Variants in BEND2 observed in about 807,000 individuals in gnomAD.
The protein encoded by BEND2 is BEN domain-containing protein 2.
A neutral mutation model predicts 43.8 loss-of-function variants in BEND2; 19 were observed. That is an observed-to-expected ratio of 0.43 (90% confidence interval 0.30 to 0.64). The LOEUF is 0.64. Ranked by LOEUF, BEND2 falls within the 30% of genes least tolerant of loss-of-function variation. The pLI is 0.11. For missense variants in BEND2, 544 were observed against 574.0 expected (o/e 0.95, Z 0.53); for synonymous variants, 226 against 210.1 (o/e 1.08, Z -0.66).
At chrX:18,195,796 G>GA (rs1394642928) in intron 6 of BEND2, among the ~76,000 whole-genome samples, 1 of 108,891 alleles carries the variant, frequency 9.2e-6, no homozygotes, top group Non-Finnish European at 1.9e-5. Context: ...AGGGTCACCT[G>GA]AGCCCGGGAA....
intron 8 of BEND2, among the ~76,000 whole-genome samples, chrX:18,182,068 T>A (rs1026578346): frequency 1.1e-4 from 12 of 111,792 alleles, no homozygotes; most frequent in African/African-American, 3.9e-4. Flanking sequence ...CATAAGTAGA[T>A]TAAAAGTAAA....
intron 4 of BEND2, among the ~76,000 whole-genome samples, chrX:18,204,978 T>C (rs2147426841): frequency 8.9e-6 from 1 of 111,801 alleles, no homozygotes; most frequent in South Asian, 3.8e-4. Context: ...AGAAAGAACA[T>C]TGAGCCAAAT....
chrX:18,208,768 C>T (rs1925419128), intron 4 of BEND2, among the ~76,000 whole-genome samples: 1 of 110,885 alleles, frequency 9.0e-6, no homozygotes, highest in Non-Finnish European at 1.9e-5. Context: ...TAATATATAG[C>T]GAGACTGAAA....
At chrX:18,172,672 T>G (rs770525461) in intron 12 of BEND2, among the ~76,000 whole-genome samples, 5 of 109,684 alleles carry the variant, frequency 4.6e-5, no homozygotes, top group Non-Finnish European at 9.5e-5. Context: ...CCAGCCTGGG[T>G]AACAGAGCGA....
At position 18,212,584 on chromosome X, in the gene BEND2, C is replaced by T. The variant is rs866322579; in HGVS notation, c.473G>A (p.Gly158Glu). The T allele has an allele frequency of 8.4e-7, 1 of 1,192,201 alleles. No homozygotes were observed. Among genetic ancestry groups the T allele is most frequent in the East Asian group, 3.0e-5 (1 of 33,703 alleles). Reference protein sequence around the residue: ...NSEEVDFPKRGRFYTPEVQSS... With the variant: ...NSEEVDFPKRERFYTPEVQSS... ...ATCTACCTCTGGAGTATAGAATCTTCCTCTTTTTGGAAAATCCACTTCCTC... is the reference window on the plus strand; with the variant it reads ...ATCTACCTCTGGAGTATAGAATCTTTCTCTTTTTGGAAAATCCACTTCCTC... The change falls in exon 4 of 14, where the codon GGA (glycine) becomes GAA (glutamate). Residue 158 changes from glycine to glutamate, a missense_variant. Transcript: ENST00000380033.
intron 6 of BEND2, among the ~76,000 whole-genome samples, chrX:18,197,942 G>A (rs750421303): frequency 1.8e-5 from 2 of 111,621 alleles, no homozygotes; most frequent in South Asian, 7.6e-4. Context: ...ACAAAAACAA[G>A]AAATGGGGAA....
chrX:18,191,998 A>C (rs1017849423), intron 7 of BEND2, among the ~76,000 whole-genome samples: 7 of 112,191 alleles, frequency 6.2e-5, no homozygotes, highest in Admixed American at 9.6e-5. Context: ...TAATTGGAAA[A>C]AGCTACCAAT....
rs760016557 is a variant in BEND2 at position 18,220,214 on chromosome X, A to G, written c.25+512T>C. On this transcript the variant is annotated intron_variant, in intron 1 of 13. Coordinates refer to ENST00000380033, the MANE Select transcript of BEND2 (RefSeq NM_153346.5). ...CAGCCGCTATGCCAAAACGCTGAAC[A>G]GGGCTGTGTTCCGCGGCTGCCCACC... 1.6e-4 allele frequency among the ~76,000 whole-genome samples: 18 copies of G among 112,452 alleles called. No homozygotes were observed. The East Asian group carries it at 4.0e-3, about 25-fold the overall frequency.
chrX:18,201,942 T>C lies in BEND2; in HGVS notation c.908-2A>G. On this transcript the variant is annotated splice_acceptor_variant, in intron 5 of 13. Coordinates refer to ENST00000380033, the MANE Select transcript of BEND2 (RefSeq NM_153346.5). LOFTEE classifies it high-confidence loss of function. ...TGTTTGCTGGTCTTTCTGGCATTTC[T>C]GTAAATAAAAAGTTTTCAAGAGCTG... is the stretch of plus-strand genomic sequence containing the variant. The C allele has an allele frequency of 2.5e-6, 3 of 1,207,304 alleles. No individual in the cohort carries two copies. The highest frequency in any genetic ancestry group is 3.4e-6 in the Non-Finnish European group (3 of 893,822).
Position 18,220,873 on chromosome X carries a change from G to T in BEND2, c.-123C>A. On this transcript the variant is annotated 5_prime_UTR_variant, in exon 1 of 14. Transcript: ENST00000380033. ...TGTGTGGTAACTGCGTACACTCGTT[G>T]TCCGAGGCACAATGAGGCCCGGGCA... is the stretch of plus-strand genomic sequence containing the variant. The T allele has an allele frequency of 1.2e-6, 1 of 821,927 alleles. No individual in the cohort carries two copies. Among genetic ancestry groups the T allele is most frequent in the Non-Finnish European group, 1.7e-6 (1 of 584,866 alleles). The allele number at this position is 821,927 out of a possible 1,213,427, so 67.7% of individuals were successfully genotyped here.
intron 13 of BEND2, among the ~76,000 whole-genome samples, chrX:18,166,641 G>A (rs765180701): frequency 9.0e-6 from 1 of 111,362 alleles, no homozygotes; most frequent in East Asian, 2.8e-4. Context: ...CAGTCGGCCA[G>A]GCGCAGTGGC....
chrX:18,180,575 G>C lies in BEND2; in HGVS notation c.1364C>G (p.Thr455Ser). ...CTGGCCACTGTCACTGTCCAATAAA[G>C]TTGAGCGATTCATTGTGTTGACGCT... is the stretch of plus-strand genomic sequence containing the variant. ...ENSVNTMNRS[T>S]LLDSDSGQDS... The change falls in exon 9 of 14, where the codon ACT becomes AGT. Residue 455 changes from threonine to serine, a missense_variant. By Grantham distance (58) the Thr-to-Ser change is moderately conservative. Coordinates refer to ENST00000380033, the MANE Select transcript of BEND2 (RefSeq NM_153346.5). The C allele has an allele frequency of 2.5e-6, 3 of 1,210,205 alleles. No individual in the cohort carries two copies. Among genetic ancestry groups the C allele is most frequent in the Non-Finnish European group, 3.4e-6 (3 of 894,169 alleles).
intron 8 of BEND2, among the ~76,000 whole-genome samples, chrX:18,189,849 C>A (rs1184056867): frequency 9.1e-6 from 1 of 110,377 alleles, no homozygotes; most frequent in African/African-American, 3.3e-5. Flanking sequence ...GAGATCGAGA[C>A]CATCCTGGCT....
At chrX:18,170,742 T>A (rs951374094) in intron 13 of BEND2, among the ~76,000 whole-genome samples, 2 of 112,121 alleles carry the variant, frequency 1.8e-5, no homozygotes, top group African/African-American at 6.5e-5. Context: ...TGGCAGTCCA[T>A]AGCAGGGAGC....
intron 7 of BEND2, among the ~76,000 whole-genome samples, chrX:18,192,282 T>A (rs1199241211): frequency 8.9e-6 from 1 of 111,917 alleles, no homozygotes; most frequent in Non-Finnish European, 1.9e-5. Flanking sequence ...AAAAGTATCC[T>A]TCAAATATAG....
At chrX:18,174,670 G>A (rs1048011428) in intron 11 of BEND2, among the ~76,000 whole-genome samples, 3 of 112,059 alleles carry the variant, frequency 2.7e-5, no homozygotes, top group African/African-American at 9.7e-5. Context: ...TTCAGGATCT[G>A]TAAAAACAAA....
At chrX:18,219,749 T>C (rs753286822) in intron 1 of BEND2, among the ~76,000 whole-genome samples, 1 of 110,482 alleles carries the variant, frequency 9.1e-6, no homozygotes, top group South Asian at 3.9e-4. Context: ...CAACAAAAAA[T>C]ACAAAAATTA....
chrX:18,220,733 C>T lies in BEND2; in HGVS notation c.18G>A (p.Gln6=), dbSNP rs773297603. Residue 6 remains glutamine, a synonymous_variant, in exon 1 of 14, where the codon CAG becomes CAA. Transcript: ENST00000380033. The stretch of plus-strand genomic sequence containing the variant: ...GAGGCGAGGTCACTTTACCCTGTTC[C>T]TGGGTCCTCTCTGACATCGTGAGAT... MSERT[Q]EQDFVIITVD... 1.7e-5 allele frequency: 20 copies of T among 1,208,933 alleles called. No individual in the cohort carries two copies. The African/African-American group carries it at 3.3e-4, about 20-fold the overall frequency.
intron 4 of BEND2, among the ~76,000 whole-genome samples, chrX:18,204,295 G>A (rs1400463374): frequency 1.8e-5 from 2 of 112,133 alleles, no homozygotes; most frequent in Non-Finnish European, 3.8e-5. Context: ...TCCCCCATCT[G>A]CTATTAAAGT....
Sources: gnomAD v4.1 joint callset for allele counts (sites outside exome capture counted in the v4.1 genomes callset) on GRCh38, gnomAD v4.1.1 for gene constraint, MANE v1.5 for transcripts, NCBI Gene and HGNC (gene_info 2026-07-23, HGNC 2026-07-21) for gene names.